Variants in PCDHGC3 observed in about 807,000 individuals in gnomAD.
PCDHGC3 encodes protocadherin gamma subfamily C, 3.
Under a neutral mutation model 59.2 loss-of-function variants are expected in PCDHGC3, and 26 were observed. The ratio of observed to expected loss-of-function variants is 0.44; its 90% CI spans 0.32 to 0.61. The LOEUF is 0.61. PCDHGC3 is among the 20% of genes least tolerant of loss of function. The probability of loss-of-function intolerance (pLI) is 0.05; values close to 1 mark genes in which losing one functional copy is unlikely to be tolerated. For missense variants in PCDHGC3, 1,080 were observed against 1,221.8 expected (o/e 0.88, Z 1.73); for synonymous variants, 487 against 519.7 (o/e 0.94, Z 0.86).
chr5:141,494,400 C>A (rs2099754045), intron 1 of PCDHGC3, among the ~76,000 whole-genome samples: 1 of 152,158 alleles, frequency 6.6e-6, no homozygotes, highest in African/African-American at 2.4e-5. Flanking sequence ...TAAATTCATT[C>A]TAGGGCTGGT....
chr5:141,489,701 T>C lies in PCDHGC3; in HGVS notation c.2431-5106T>C, dbSNP rs1038902932. The C allele has an allele frequency of 1.9e-6, 3 of 1,614,128 alleles. No homozygotes were observed. The highest frequency in any genetic ancestry group is 2.5e-6 in the Non-Finnish European group (3 of 1,179,944). On this transcript the variant is annotated intron_variant, in intron 1 of 3. Transcript: ENST00000308177. The surrounding 1 kb of genome is among the most constrained non-coding windows in gnomAD (Gnocchi z 4.5). ...GCAGCATCTGGGGCACGATTCCCAC[T>C]GGACAGTGCCCAGGATCCGGATGTG...
chr5:141,511,361 G>C lies in PCDHGC3; in HGVS notation c.*188G>C, dbSNP rs2099883750. 7.4e-7 allele frequency: 1 copy of C among 1,345,388 alleles called. No individual in the cohort carries two copies. Among genetic ancestry groups the C allele is most frequent in the Non-Finnish European group, 9.9e-7 (1 of 1,006,550 alleles). The allele number at this position is 1,345,388 out of a possible 1,614,324, so 83.3% of individuals were successfully genotyped here. On this transcript the variant is annotated 3_prime_UTR_variant, in exon 4 of 4. Transcript: ENST00000308177. ...CCTACCCCTTCCCCCCCAGGGGGTTGAATATGCAAAAGCAGTTCCGCTGGG... is the reference window on the plus strand; with the variant it reads ...CCTACCCCTTCCCCCCCAGGGGGTTCAATATGCAAAAGCAGTTCCGCTGGG...
intron 2 of PCDHGC3, among the ~76,000 whole-genome samples, chr5:141,504,369 A>G (rs968327872): frequency 6.6e-5 from 10 of 152,272 alleles, no homozygotes; most frequent in Non-Finnish European, 1.2e-4. Context: ...AGTAGGAAGC[A>G]GGTGGAGTCG....
At chr5:141,484,453 C>T (rs1212059469) in intron 1 of PCDHGC3, among the ~76,000 whole-genome samples, 1 of 152,160 alleles carries the variant, frequency 6.6e-6, no homozygotes. Flanking sequence ...TAATTGGCTA[C>T]GTTAATGTGT....
rs200580042 is a variant in PCDHGC3 at position 141,486,553 on chromosome 5, T to C, written c.2430+8007T>C. 5.4e-5 allele frequency: 87 copies of C among 1,614,028 alleles called. No individual in the cohort carries two copies. The highest frequency in any genetic ancestry group is 7.2e-5 in the Non-Finnish European group (85 of 1,180,046). On this transcript the variant is annotated intron_variant, in intron 1 of 3. Coordinates refer to ENST00000308177, the MANE Select transcript of PCDHGC3 (RefSeq NM_002588.4). The surrounding 1 kb of genome is among the most constrained non-coding windows in gnomAD (Gnocchi z 5.0). ...CACCCTCTTTCTTTCAGAGGTCACA[T>C]GAGGTGTTTGTTCCTGAGAACAATC...
At position 141,489,969 on chromosome 5, in the gene PCDHGC3, A is replaced by C. The variant is rs746202385; in HGVS notation, c.2431-4838A>C. On this transcript the variant is annotated intron_variant, in intron 1 of 3. Coordinates refer to ENST00000308177, the MANE Select transcript of PCDHGC3 (RefSeq NM_002588.4). This position sits in a 1 kb window ranked among gnomAD's most constrained non-coding sequence, Gnocchi z 4.5. The stretch of plus-strand genomic sequence containing the variant: ...TCAATGATAATGCTCCAACCTTCCA[A>C]TCCTCAGTTCTACGTGTGGGAATCC... 4 of 1,614,008 alleles carry C rather than the reference A, an allele frequency of 2.5e-6. No individual in the cohort carries two copies.
rs762312563 is a variant in PCDHGC3 at position 141,493,182 on chromosome 5, A to G, written c.2431-1625A>G. Among the ~76,000 whole-genome samples, 1 of 152,232 alleles carries G rather than the reference A, an allele frequency of 6.6e-6. No homozygotes were observed. The highest frequency in any genetic ancestry group is 2.4e-5 in the African/African-American group (1 of 41,460). The stretch of plus-strand genomic sequence containing the variant: ...TAGCTGATTGAGAGAAACTTACTAT[A>G]TAACTCCTTTGAGAACCTCATCTCA... On this transcript the variant is annotated intron_variant, in intron 1 of 3. Coordinates refer to ENST00000308177, the MANE Select transcript of PCDHGC3 (RefSeq NM_002588.4). The surrounding 1 kb of genome is among the most constrained non-coding windows in gnomAD (Gnocchi z 4.3).
At chr5:141,482,442 C>A (rs942933015) in intron 1 of PCDHGC3, among the ~76,000 whole-genome samples, 23 of 147,678 alleles carry the variant, frequency 1.6e-4, no homozygotes, top group African/African-American at 5.6e-4. Context: ...CTGATATTCA[C>A]CATTTATTAG....
chr5:141,502,450 C>T (rs184669731), intron 2 of PCDHGC3, among the ~76,000 whole-genome samples: 3 of 152,010 alleles, frequency 2.0e-5, no homozygotes, highest in Admixed American at 1.3e-4. Context: ...AGATTACACA[C>T]CTTGGTAGGA....
At position 141,486,090 on chromosome 5, in the gene PCDHGC3, G is replaced by C. The variant is rs190955361; in HGVS notation, c.2430+7544G>C. On this transcript the variant is annotated intron_variant, in intron 1 of 3. Transcript: ENST00000308177. The surrounding 1 kb of genome is among the most constrained non-coding windows in gnomAD (Gnocchi z 5.0). ...ACTACTGGAAAGCTTACTCTTTTGG[G>C]GCCCCTAGACTTTGAGAGTGAGAAT... 4 of 1,614,086 alleles carry C rather than the reference G, an allele frequency of 2.5e-6. No individual in the cohort carries two copies. The Admixed American group carries it at 6.7e-5, about 27-fold the overall frequency.
chr5:141,503,367 C>T (rs1038565489), intron 2 of PCDHGC3, among the ~76,000 whole-genome samples: 5 of 151,908 alleles, frequency 3.3e-5, no homozygotes, highest in African/African-American at 9.7e-5. Flanking sequence ...GAAGCGGAGG[C>T]AGGTGGATCA....
Position 141,512,559 on chromosome 5 carries a change from C to T in PCDHGC3, c.*1386C>T, listed in dbSNP as rs1396321304. The T allele has an allele frequency of 6.5e-6, 1 of 152,904 alleles. No individual in the cohort carries two copies. The highest frequency in any genetic ancestry group is 1.5e-5 in the Non-Finnish European group (1 of 68,438). The allele number at this position is 152,904 out of a possible 1,614,324, so 9.5% of individuals were successfully genotyped here. ...CCCCAGTGCCTCCTTGTGCATAGAC[C>T]TTCTTCTCCCACCCCCTTCTGCCCC... On this transcript the variant is annotated 3_prime_UTR_variant, in exon 4 of 4. Coordinates refer to ENST00000308177, the MANE Select transcript of PCDHGC3 (RefSeq NM_002588.4).
Position 141,491,648 on chromosome 5 carries a change from T to A in PCDHGC3, c.2431-3159T>A. 6.2e-7 allele frequency: 1 copy of A among 1,613,834 alleles called. No individual in the cohort carries two copies. Among genetic ancestry groups the A allele is most frequent in the Non-Finnish European group, 8.5e-7 (1 of 1,180,002 alleles). ...GTTCAGCAGCCCACAGCTCTGGCGC[T>A]GGAGCCTGACGCCATCCGGTCCCGC... On this transcript the variant is annotated intron_variant, in intron 1 of 3. Transcript: ENST00000308177. This position sits in a 1 kb window ranked among gnomAD's most constrained non-coding sequence, Gnocchi z 6.9.
chr5:141,489,636 C>A lies in PCDHGC3; in HGVS notation c.2431-5171C>A, dbSNP rs753380268. 3.8e-5 allele frequency: 62 copies of A among 1,614,074 alleles called. No individual in the cohort carries two copies. The highest frequency in any genetic ancestry group is 5.1e-5 in the Non-Finnish European group (60 of 1,180,038). ...TGGATCTCAATGACAACTCTCCTAG[C>A]TTTGCCACCCCTGAGCGAGAGATGC... is the stretch of plus-strand genomic sequence containing the variant. On this transcript the variant is annotated intron_variant, in intron 1 of 3. Coordinates refer to ENST00000308177, the MANE Select transcript of PCDHGC3 (RefSeq NM_002588.4). The surrounding 1 kb of genome is among the most constrained non-coding windows in gnomAD (Gnocchi z 4.5).
In PCDHGC3 at chr5:141,489,087, T is replaced by A. The variant is rs2099682381; in HGVS notation, c.2431-5720T>A. ...CCCCCTGCCCACCCCCGCCACTCGG[T>A]GACTAAGAACTGCTGCAAGCAGGCA... is the stretch of plus-strand genomic sequence containing the variant. On this transcript the variant is annotated intron_variant, in intron 1 of 3. Coordinates refer to ENST00000308177, the MANE Select transcript of PCDHGC3 (RefSeq NM_002588.4). This position sits in a 1 kb window ranked among gnomAD's most constrained non-coding sequence, Gnocchi z 4.5. The A allele has an allele frequency of 4.6e-6, 1 of 216,106 alleles. No individual in the cohort carries two copies. Among genetic ancestry groups the A allele is most frequent in the Non-Finnish European group, 8.4e-6 (1 of 118,734 alleles). 13.4% of individuals were successfully genotyped at this position (216,106 alleles called of 1,614,324 possible). A position where few individuals can be genotyped will look rare whatever the true frequency, so the allele number is the denominator to read the frequency against.
chr5:141,508,824 G>A (rs893436748), intron 3 of PCDHGC3, among the ~76,000 whole-genome samples: 9 of 151,952 alleles, frequency 5.9e-5, no homozygotes, highest in Admixed American at 3.3e-4. Flanking sequence ...CCAGATCTGG[G>A]CCCCCCTCCC....
chr5:141,488,552 A>C (rs993681273), intron 1 of PCDHGC3, among the ~76,000 whole-genome samples: 1 of 152,194 alleles, frequency 6.6e-6, no homozygotes, highest in African/African-American at 2.4e-5. Context: ...GTCAGCTGAC[A>C]TTGAGATTTC....
At chr5:141,500,840 C>G (rs1394248251) in intron 2 of PCDHGC3, among the ~76,000 whole-genome samples, 1 of 151,966 alleles carries the variant, frequency 6.6e-6, no homozygotes, top group Non-Finnish European at 1.5e-5. Context: ...TGCTAATGGG[C>G]TTTTGCTACA....
At position 141,486,038 on chromosome 5, in the gene PCDHGC3, G is replaced by T; in HGVS notation, c.2430+7492G>T. The stretch of plus-strand genomic sequence containing the variant: ...TTTCAGTGGTCATACCCCTGATCGT[G>T]TAAGAAACCTCTTTAGCCTGCACCC... On this transcript the variant is annotated intron_variant, in intron 1 of 3. Coordinates refer to ENST00000308177, the MANE Select transcript of PCDHGC3 (RefSeq NM_002588.4). This position sits in a 1 kb window ranked among gnomAD's most constrained non-coding sequence, Gnocchi z 5.0. The T allele has an allele frequency of 3.1e-6, 5 of 1,614,184 alleles. No individual in the cohort carries two copies. Among genetic ancestry groups the T allele is most frequent in the Non-Finnish European group, 4.2e-6 (5 of 1,180,018 alleles).
Sources: gnomAD v4.1 joint callset for allele counts (sites outside exome capture counted in the v4.1 genomes callset) on GRCh38, gnomAD v4.1.1 for gene constraint, Gnocchi (gnomAD v3.1) non-coding constraint, MANE v1.5 for transcripts, NCBI Gene and HGNC (gene_info 2026-07-23, HGNC 2026-07-21) for gene names.